KIAA0513: variants seen among roughly 807,000 people sequenced by gnomAD.
KIAA0513 encodes KIAA0513.
KIAA0513 carries 39 observed loss-of-function variants against 56.5 expected under a neutral mutation model. The ratio of observed to expected loss-of-function variants is 0.69; its 90% CI spans 0.53 to 0.90. KIAA0513 has a LOEUF of 0.90. Ranked by LOEUF, KIAA0513 falls within the 40% of genes least tolerant of loss-of-function variation. The pLI is 0.00. For missense variants in KIAA0513, 591 were observed against 535.2 expected, an observed-to-expected ratio of 1.10 and a Z score of -1.03; for synonymous variants, 268 against 215.6, an observed-to-expected ratio of 1.24 and a Z score of -2.13.
At chr16:85,039,419 C>T (rs534808715) in intron 1 of KIAA0513, among the ~76,000 whole-genome samples, 1 of 152,314 alleles carries the variant, frequency 6.6e-6, no homozygotes, top group Admixed American at 6.5e-5. Flanking sequence ...CCTCCTGCAT[C>T]AACCTCCTGA....
chr16:85,029,456 C>G (rs1013261516), intron 1 of KIAA0513, among the ~76,000 whole-genome samples: 1 of 152,216 alleles, frequency 6.6e-6, no homozygotes, highest in Non-Finnish European at 1.5e-5. Flanking sequence ...AATCTGCTGC[C>G]AAATCCCAGA....
chr16:85,078,003 G>C (rs2144070650), intron 6 of KIAA0513, among the ~76,000 whole-genome samples: 1 of 152,318 alleles, frequency 6.6e-6, no homozygotes, highest in South Asian at 2.1e-4. Context: ...CTGTCCCCAG[G>C]AGAGCAGGGC....
chr16:85,056,995 G>GCAC (rs1420803302), intron 1 of KIAA0513, among the ~76,000 whole-genome samples: 2 of 152,196 alleles, frequency 1.3e-5, no homozygotes, highest in Non-Finnish European at 2.9e-5. Context: ...AGGAGCCACT[G>GCAC]CACCCAGCCG....
intron 1 of KIAA0513, among the ~76,000 whole-genome samples, chr16:85,044,481 A>G (rs1201780537): frequency 6.6e-6 from 1 of 151,486 alleles, no homozygotes; most frequent in African/African-American, 2.4e-5. Context: ...ATCCACCACC[A>G]CAAAGTAATG....
intron 8 of KIAA0513, among the ~76,000 whole-genome samples, chr16:85,079,986 G>C (rs2073719124): frequency 6.6e-6 from 1 of 152,196 alleles, no homozygotes. Context: ...CCTGGAATCA[G>C]TGTCAGACGG....
chr16:85,069,065 C>A (rs189629963), intron 2 of KIAA0513, among the ~76,000 whole-genome samples: 1 of 152,160 alleles, frequency 6.6e-6, no homozygotes, highest in African/African-American at 2.4e-5. Context: ...GGGTCTTACT[C>A]TGTTGCCCAG....
Position 85,076,743 on chromosome 16 carries a change from AC to A in KIAA0513, c.575-681del, listed in dbSNP as rs1772982615. Among the ~76,000 whole-genome samples the A allele has an allele frequency of 6.6e-6, 1 of 152,184 alleles. No individual in the cohort carries two copies. The highest frequency in any genetic ancestry group is 1.5e-5 in the Non-Finnish European group (1 of 68,030). On this transcript the variant is annotated intron_variant, in intron 5 of 12. Transcript: ENST00000683363. The surrounding 1 kb of genome is among the most constrained non-coding windows in gnomAD (Gnocchi z 4.7). ...GGGCAGGCCCTTCCTGCCAGGCCAC[AC>A]GTCGGCTGCTTTGGGTGGGGTAGGA...
chr16:85,028,615 C>T (rs1186484239), intron 1 of KIAA0513, among the ~76,000 whole-genome samples: 1 of 151,874 alleles, frequency 6.6e-6, no homozygotes, highest in South Asian at 2.1e-4. Flanking sequence ...TGGGTGCGTG[C>T]CCCCCACCCC....
intron 3 of KIAA0513, 76 bp downstream of exon 3, chr16:85,071,958 T>C (rs1013984841): frequency 2.1e-6 from 2 of 969,650 alleles, no homozygotes; most frequent in African/African-American, 1.6e-5. Flanking sequence ...AATTTGACTT[T>C]ATCCTACAAT....
At chr16:85,062,107 A>C (rs2073414464) in intron 1 of KIAA0513, among the ~76,000 whole-genome samples, 1 of 151,598 alleles carries the variant, frequency 6.6e-6, no homozygotes, top group African/African-American at 2.4e-5. Flanking sequence ...CAGGACCATC[A>C]CCTTCAGATC....
At chr16:85,078,583 C>A in intron 7 of KIAA0513, 128 bp downstream of exon 7, 1 of 843,212 alleles carries the variant, frequency 1.2e-6, no homozygotes, top group Non-Finnish European at 1.9e-6. Context: ...TGGGTGATGC[C>A]CCAGTTGCTT....
intron 1 of KIAA0513, among the ~76,000 whole-genome samples, chr16:85,049,437 A>G (rs1054703159): frequency 2.0e-5 from 3 of 151,996 alleles, no homozygotes; most frequent in Non-Finnish European, 4.4e-5. Context: ...TCCCCACCCA[A>G]TCTCCTGTCG....
At chr16:85,036,030 G>C (rs999101794) in intron 1 of KIAA0513, among the ~76,000 whole-genome samples, 2 of 151,722 alleles carry the variant, frequency 1.3e-5, no homozygotes, top group Non-Finnish European at 1.5e-5. Context: ...GCCTGAGCTG[G>C]TCTTGCACTT....
At chr16:85,074,053 C>A (rs1452219758) in intron 4 of KIAA0513, among the ~76,000 whole-genome samples, 2 of 152,084 alleles carry the variant, frequency 1.3e-5, no homozygotes, top group Non-Finnish European at 2.9e-5. Flanking sequence ...CAGCTCACTG[C>A]AACCTCCGCC....
chr16:85,037,543 C>T (rs367651616), intron 1 of KIAA0513, among the ~76,000 whole-genome samples: 8 of 152,188 alleles, frequency 5.3e-5, no homozygotes, highest in African/African-American at 1.7e-4. Context: ...GACTGCCTCC[C>T]GTAATTTTTT....
chr16:85,057,174 G>A (rs1326153830), intron 1 of KIAA0513, among the ~76,000 whole-genome samples: 1 of 152,156 alleles, frequency 6.6e-6, no homozygotes, highest in Non-Finnish European at 1.5e-5. Context: ...GGGTTATATT[G>A]TAAACCCCCT....
chr16:85,035,158 G>A (rs577445885), intron 1 of KIAA0513, among the ~76,000 whole-genome samples: 10 of 152,332 alleles, frequency 6.6e-5, no homozygotes, highest in African/African-American at 2.2e-4. Context: ...GCATGGCCAT[G>A]GTGGTGCTGG....
rs62049888 is a variant in KIAA0513, at chr16:85,067,590, C to G, written c.329+190C>G. On this transcript the variant is annotated intron_variant, in intron 2 of 12. Coordinates refer to ENST00000683363, the MANE Select transcript of KIAA0513 (RefSeq NM_001388359.1). The stretch of plus-strand genomic sequence containing the variant: ...GCTGCATGCAGAGCCACGTGGAGAA[C>G]TTTAAAAGAATACCTGAGCCTGGAC... 1.0e-3 allele frequency among the ~76,000 whole-genome samples: 155 copies of G among 152,268 alleles called. 1 individual carries two copies. The highest frequency in any genetic ancestry group is 1.8e-3 in the Non-Finnish European group (123 of 68,036).
At position 85,091,386 on chromosome 16, in the gene KIAA0513, A is replaced by G. The variant is rs1008198649; in HGVS notation, c.*3061A>G. 6.6e-6 allele frequency: 1 copy of G among 152,184 alleles called. No homozygotes were observed. The highest frequency in any genetic ancestry group is 1.5e-5 in the Non-Finnish European group (1 of 68,036). 9.4% of individuals were successfully genotyped at this position (152,184 alleles called of 1,614,324 possible). On this transcript the variant is annotated 3_prime_UTR_variant, in exon 13 of 13. Transcript: ENST00000683363. ...GTTTAACCACAGGCCAGAGAACTCAATTCTGATGTCGTAAGTTCTCTGTAA... is the reference window on the plus strand; with the variant it reads ...GTTTAACCACAGGCCAGAGAACTCAGTTCTGATGTCGTAAGTTCTCTGTAA...
Sources: allele counts gnomAD v4.1 joint callset (sites outside exome capture counted in the v4.1 genomes callset), GRCh38; gene constraint gnomAD v4.1.1; non-coding constraint Gnocchi (gnomAD v3.1); transcripts MANE v1.5; gene names NCBI Gene and HGNC (gene_info 2026-07-23, HGNC 2026-07-21).